OXCT1: variants seen among roughly 807,000 people sequenced by gnomAD.
OXCT1 encodes 3-oxoacid CoA-transferase 1.
In OXCT1, 27 loss-of-function variants were observed where a neutral mutation model predicts 69.6. That is an observed-to-expected ratio of 0.39 (90% confidence interval 0.29 to 0.54). The LOEUF is 0.54. Ranked by LOEUF, OXCT1 falls within the 20% of genes least tolerant of loss-of-function variation. The pLI, the probability that OXCT1 is intolerant of heterozygous loss-of-function variation, is 0.72. For missense variants in OXCT1, 437 were observed against 650.2 expected, an observed-to-expected ratio of 0.67 and a Z score of 3.57; for synonymous variants, 202 against 217.8, an observed-to-expected ratio of 0.93 and a Z score of 0.64.
intron 13 of OXCT1, among the ~76,000 whole-genome samples, chr5:41,765,342 C>A (rs1008000697): frequency 6.6e-6 from 1 of 152,160 alleles, no homozygotes; most frequent in African/African-American, 2.4e-5. Context: ...TGGACGCTGA[C>A]ATCCAAAGCG....
intron 15 of OXCT1, among the ~76,000 whole-genome samples, chr5:41,747,783 C>G (rs980633556): frequency 3.3e-5 from 5 of 152,072 alleles, no homozygotes; most frequent in African/African-American, 1.2e-4. Context: ...AAGGTACATA[C>G]TGTGAAATGC....
At chr5:41,845,487 T>G (rs1291848097) in intron 5 of OXCT1, among the ~76,000 whole-genome samples, 2 of 152,090 alleles carry the variant, frequency 1.3e-5, no homozygotes, top group Non-Finnish European at 2.9e-5. Flanking sequence ...CCACAGTGCT[T>G]AGACCAGGGT....
chr5:41,837,317 G>C (rs1056842399), intron 7 of OXCT1, among the ~76,000 whole-genome samples: 12 of 150,196 alleles, frequency 8.0e-5, no homozygotes, highest in African/African-American at 2.9e-4. Flanking sequence ...AAAAAAAAAA[G>C]ACGCCGTTGA....
chr5:41,745,033 A>ACT (rs1743395829), intron 15 of OXCT1, among the ~76,000 whole-genome samples: 1 of 152,044 alleles, frequency 6.6e-6, no homozygotes, highest in African/African-American at 2.4e-5. Context: ...ACTGAACTCA[A>ACT]CTCTGCACCA....
At chr5:41,750,514 G>A (rs972562835) in intron 14 of OXCT1, among the ~76,000 whole-genome samples, 2 of 151,992 alleles carry the variant, frequency 1.3e-5, no homozygotes, top group Non-Finnish European at 2.9e-5. Context: ...CTCCCTTGGG[G>A]CTGATAGCTA....
At chr5:41,833,350 T>C (rs1176825020) in intron 7 of OXCT1, among the ~76,000 whole-genome samples, 2 of 152,010 alleles carry the variant, frequency 1.3e-5, no homozygotes, top group East Asian at 1.9e-4. Flanking sequence ...AAGAGTAGCA[T>C]GACATATTTA....
intron 15 of OXCT1, among the ~76,000 whole-genome samples, chr5:41,741,119 T>C (rs950401933): frequency 1.3e-5 from 2 of 151,918 alleles, no homozygotes; most frequent in Non-Finnish European, 2.9e-5. Flanking sequence ...TCCAGCTAAT[T>C]TTTTGTATTT....
intron 13 of OXCT1, among the ~76,000 whole-genome samples, chr5:41,776,605 G>GA (rs1183413904): frequency 6.6e-6 from 1 of 152,178 alleles, no homozygotes; most frequent in East Asian, 1.9e-4. Context: ...AAAGTCAAAT[G>GA]AATCTGTGCT....
At chr5:41,861,244 G>T in intron 3 of OXCT1, 70 bp downstream of exon 3, 1 of 1,007,022 alleles carries the variant, frequency 9.9e-7, no homozygotes, top group Non-Finnish European at 1.6e-6. Flanking sequence ...TCATTTCATT[G>T]ATAAACTCTG....
Position 41,775,806 on chromosome 5 carries a change from T to C in OXCT1, c.1249-13606A>G, listed in dbSNP as rs367560515. ...TATTATGAATAACAAAATGCTCCTATGGCCCTATCGCTCAGGAAATTCCAA... is the reference window on the plus strand; with the variant it reads ...TATTATGAATAACAAAATGCTCCTACGGCCCTATCGCTCAGGAAATTCCAA... On this transcript the variant is annotated intron_variant, in intron 13 of 16. Coordinates refer to ENST00000196371, the MANE Select transcript of OXCT1 (RefSeq NM_000436.4). Among the ~76,000 whole-genome samples, 212 of 152,278 alleles carry C rather than the reference T, an allele frequency of 1.4e-3. 1 individual carries two copies. Among genetic ancestry groups the C allele is most frequent in the African/African-American group, 5.0e-3 (206 of 41,568 alleles).
intron 16 of OXCT1, 143 bp from the exon 17 acceptor site, chr5:41,731,913 C>T (rs2111959417): frequency 9.4e-7 from 1 of 1,060,112 alleles, no homozygotes; most frequent in Admixed American, 2.1e-5. Flanking sequence ...GATTTTCCAT[C>T]CTGAAACATT....
Position 41,870,424 on chromosome 5 carries a change from G to T in OXCT1, c.-66C>A. ...CGCGTTTGAGCGTCGGTGCGCGACT[G>T]CGAAGGAAACCCGGGCGGGCTGGAG... On this transcript the variant is annotated 5_prime_UTR_variant, in exon 1 of 17. Coordinates refer to ENST00000196371, the MANE Select transcript of OXCT1 (RefSeq NM_000436.4). The surrounding 1 kb of genome is among the most constrained non-coding windows in gnomAD (Gnocchi z 4.2). The T allele has an allele frequency of 7.9e-7, 1 of 1,261,558 alleles. No homozygotes were observed. The highest frequency in any genetic ancestry group is 1.1e-6 in the Non-Finnish European group (1 of 874,112). The allele number at this position is 1,261,558 out of a possible 1,614,324, so 78.1% of individuals were successfully genotyped here.
intron 7 of OXCT1, among the ~76,000 whole-genome samples, chr5:41,819,002 A>C (rs1747394111): frequency 6.6e-6 from 1 of 152,076 alleles, no homozygotes; most frequent in Non-Finnish European, 1.5e-5. Context: ...TTATCACTTC[A>C]GTATTTGTAG....
intron 13 of OXCT1, among the ~76,000 whole-genome samples, chr5:41,768,773 T>C (rs541446167): frequency 1.3e-5 from 2 of 152,288 alleles, no homozygotes; most frequent in Admixed American, 1.3e-4. Context: ...TCTGTCCAAC[T>C]TGCAGCCACA....
rs771238288 is a variant in OXCT1 at position 41,853,565 on chromosome 5, A to C, written c.279-11T>G. ...CCAAAATTGTCAACCCTAGAAGGAA[A>C]ATGAAGGGAGCTTACCAAAGAGCAT... On this transcript the variant is annotated splice_polypyrimidine_tract_variant and intron_variant, in intron 3 of 16. Coordinates refer to ENST00000196371, the MANE Select transcript of OXCT1 (RefSeq NM_000436.4). 6.2e-7 allele frequency: 1 copy of C among 1,613,446 alleles called. No individual in the cohort carries two copies. Among genetic ancestry groups the C allele is most frequent in the Non-Finnish European group, 8.5e-7 (1 of 1,179,702 alleles).
chr5:41,827,930 A>G (rs1747888715), intron 7 of OXCT1, among the ~76,000 whole-genome samples: 1 of 152,138 alleles, frequency 6.6e-6, no homozygotes, highest in South Asian at 2.1e-4. Context: ...TCAGAGACAT[A>G]GGGCCCTCCC....
At chr5:41,834,729 A>C (rs1748272569) in intron 7 of OXCT1, among the ~76,000 whole-genome samples, 1 of 152,124 alleles carries the variant, frequency 6.6e-6, no homozygotes, top group Non-Finnish European at 1.5e-5. Flanking sequence ...ACAGCTGGAG[A>C]CTTCCACACC....
chr5:41,765,230 A>T (rs1347168937), intron 13 of OXCT1, among the ~76,000 whole-genome samples: 3 of 152,140 alleles, frequency 2.0e-5, no homozygotes, highest in Non-Finnish European at 2.9e-5. Flanking sequence ...CATGTGCCTG[A>T]GTTCCAGACA....
intron 5 of OXCT1, chr5:41,843,731 T>C: frequency 3.3e-6 from 1 of 302,956 alleles, no homozygotes; most frequent in South Asian, 2.7e-5. Context: ...AAGTGCGTTT[T>C]ACAAAAAGCT....
Sources: gnomAD v4.1 joint callset for allele counts (sites outside exome capture counted in the v4.1 genomes callset) on GRCh38, gnomAD v4.1.1 for gene constraint, Gnocchi (gnomAD v3.1) non-coding constraint, MANE v1.5 for transcripts, NCBI Gene and HGNC (gene_info 2026-07-23, HGNC 2026-07-21) for gene names.